Variants in SDK1 observed in about 807,000 individuals in gnomAD.
SDK1 encodes sidekick cell adhesion molecule 1, also known as protein sidekick-1.
Under a neutral mutation model 245.5 loss-of-function variants are expected in SDK1, and 157 were observed. The ratio of observed to expected loss-of-function variants is 0.64; its 90% CI spans 0.56 to 0.73. The LOEUF (loss-of-function observed/expected upper bound fraction) is 0.73, where lower values mean the gene tolerates loss of function less well. Among genes scored for constraint, SDK1 ranks in the 30% least tolerant of loss-of-function variants. The probability of loss-of-function intolerance (pLI) is 0.00; values close to 1 mark genes in which losing one functional copy is unlikely to be tolerated. For synonymous variants in SDK1, 1,647 were observed against 1,278.5 expected (o/e 1.29, Z -6.15); for missense variants, 3,583 against 3,002.3 (o/e 1.19, Z -4.52).
chr7:3,598,975 A>T, intron 1 of SDK1, among the ~76,000 whole-genome samples: 1 of 152,116 alleles, frequency 6.6e-6, no homozygotes. Context: ...GCCCAAGAGA[A>T]CAGTTGCTGG....
chr7:4,198,630 A>G (rs1783715372), intron 35 of SDK1, among the ~76,000 whole-genome samples: 1 of 152,190 alleles, frequency 6.6e-6, no homozygotes, highest in Non-Finnish European at 1.5e-5. Flanking sequence ...CAAAGCCCTT[A>G]CATCCCTCAA....
At chr7:3,669,705 A>T (rs562809679) in intron 4 of SDK1, among the ~76,000 whole-genome samples, 1 of 152,180 alleles carries the variant, frequency 6.6e-6, no homozygotes, top group South Asian at 2.1e-4. Context: ...CAGCTCACAT[A>T]CCAACTATAG....
At chr7:3,475,696 T>C (rs1781329789) in intron 1 of SDK1, among the ~76,000 whole-genome samples, 1 of 152,178 alleles carries the variant, frequency 6.6e-6, no homozygotes, top group Admixed American at 6.5e-5. Context: ...TAAAAGTAAA[T>C]AAATTTACTT....
intron 1 of SDK1, among the ~76,000 whole-genome samples, chr7:3,400,765 A>C (rs1778867012): frequency 6.6e-6 from 1 of 152,134 alleles, no homozygotes; most frequent in Non-Finnish European, 1.5e-5. Context: ...ATACACAGGC[A>C]AAAACATTTT....
At chr7:4,063,607 AAAC>A (rs1779684394) in intron 19 of SDK1, among the ~76,000 whole-genome samples, 3 of 151,732 alleles carry the variant, frequency 2.0e-5, no homozygotes, top group Non-Finnish European at 2.9e-5. Flanking sequence ...CAAAAAAAAA[AAAC>A]AAAAAACCCC....
rs181237584 is a variant in SDK1, at chr7:4,011,867, C to A, written c.2280-228C>A. Among the ~76,000 whole-genome samples the A allele has an allele frequency of 1.7e-3, 252 of 152,290 alleles. 1 individual carries two copies. The Middle Eastern group carries it at 0.021, about 12-fold the overall frequency. ...TGGGGTTATTCACACAGAACAAAGT[C>A]ACCTCCACCTTTCCTCGTTGCTTGG... On this transcript the variant is annotated intron_variant, in intron 15 of 44. Coordinates refer to ENST00000404826, the MANE Select transcript of SDK1 (RefSeq NM_152744.4).
chr7:4,191,691 C>G (rs1313997187), intron 35 of SDK1, among the ~76,000 whole-genome samples: 5 of 152,248 alleles, frequency 3.3e-5, no homozygotes, highest in African/African-American at 1.2e-4. Flanking sequence ...GCCTTTGCGA[C>G]CTTCTCTGGG....
chr7:4,021,650 G>C (rs1449254532), intron 17 of SDK1, among the ~76,000 whole-genome samples: 1 of 152,198 alleles, frequency 6.6e-6, no homozygotes, highest in East Asian at 1.9e-4. Flanking sequence ...AGGCAACAAG[G>C]AGAAAGCCTC....
At chr7:3,366,984 C>G (rs962524208) in intron 1 of SDK1, among the ~76,000 whole-genome samples, 1 of 152,102 alleles carries the variant, frequency 6.6e-6, no homozygotes, top group African/African-American at 2.4e-5. Flanking sequence ...TCGTGATCCA[C>G]CTGCCTCAGC....
At chr7:3,326,268 A>G (rs1779938885) in intron 1 of SDK1, among the ~76,000 whole-genome samples, 1 of 152,212 alleles carries the variant, frequency 6.6e-6, no homozygotes. Context: ...GGTTATATAC[A>G]TATGTAAAAG....
At chr7:3,419,316 C>T (rs1172496915) in intron 1 of SDK1, among the ~76,000 whole-genome samples, 3 of 152,200 alleles carry the variant, frequency 2.0e-5, no homozygotes, top group Non-Finnish European at 4.4e-5. Context: ...TTAGGTTATA[C>T]TGCGTCTCTG....
chr7:3,418,463 C>G (rs2128580036), intron 1 of SDK1, among the ~76,000 whole-genome samples: 2 of 152,234 alleles, frequency 1.3e-5, no homozygotes, highest in Admixed American at 1.3e-4. Flanking sequence ...CTAGAGGTTT[C>G]TGATCTCTGC....
intron 1 of SDK1, among the ~76,000 whole-genome samples, chr7:3,482,596 A>G (rs1781552955): frequency 6.6e-6 from 1 of 152,186 alleles, no homozygotes; most frequent in South Asian, 2.1e-4. Flanking sequence ...ATTGATGACC[A>G]CCAGAGGGCC....
rs1230375226 is a variant in SDK1 at position 4,119,833 on chromosome 7, AAGAG to A, written c.3823+5563_3823+5566del. Among the ~76,000 whole-genome samples the A allele has an allele frequency of 6.7e-5, 10 of 149,198 alleles. 1 individual carries two copies. The highest frequency in any genetic ancestry group is 1.3e-4 in the Admixed American group (2 of 15,010). On this transcript the variant is annotated intron_variant, in intron 25 of 44. Coordinates refer to ENST00000404826, the MANE Select transcript of SDK1 (RefSeq NM_152744.4). Reference sequence around the variant, plus strand: ...GAGTAAAAATGACCAGTTTTAAAAAAAGAGAGAAAGATAGAGGGCTTCAATTACA... The same window carrying A: ...GAGTAAAAATGACCAGTTTTAAAAAAAGAAAGATAGAGGGCTTCAATTACA...
intron 1 of SDK1, among the ~76,000 whole-genome samples, chr7:3,473,195 A>G (rs781252621): frequency 1.1e-4 from 17 of 152,188 alleles, no homozygotes; most frequent in Non-Finnish European, 2.2e-4. Context: ...GAACTAATTT[A>G]CAAGAGTAAA....
intron 32 of SDK1, among the ~76,000 whole-genome samples, chr7:4,171,869 A>G (rs1781860733): frequency 6.6e-6 from 1 of 152,208 alleles, no homozygotes; most frequent in Non-Finnish European, 1.5e-5. Flanking sequence ...AACTTTCTGC[A>G]AAATTGAAGA....
chr7:4,085,849 C>G lies in SDK1; in HGVS notation c.3324+6265C>G, dbSNP rs576811335. ...GGATTACAGGTGTGAGCCACTGCACCTAGCTCATTTTACATTTTAAAAAAT... is the reference window on the plus strand; with the variant it reads ...GGATTACAGGTGTGAGCCACTGCACGTAGCTCATTTTACATTTTAAAAAAT... On this transcript the variant is annotated intron_variant, in intron 22 of 44. Coordinates refer to ENST00000404826, the MANE Select transcript of SDK1 (RefSeq NM_152744.4). Among the ~76,000 whole-genome samples, 16 of 152,300 alleles carry G rather than the reference C, an allele frequency of 1.1e-4. No homozygotes were observed. The East Asian group carries it at 3.1e-3, about 29-fold the overall frequency.
chr7:4,065,807 G>A (rs1399820208), intron 19 of SDK1, among the ~76,000 whole-genome samples: 2 of 145,276 alleles, frequency 1.4e-5, no homozygotes, highest in Non-Finnish European at 3.0e-5. Flanking sequence ...GCTCGGTATG[G>A]AATTCACCCT....
Position 3,796,282 on chromosome 7 carries a change from C to G in SDK1, c.714-25168C>G, listed in dbSNP as rs111700744. 4.8e-3 allele frequency among the ~76,000 whole-genome samples: 729 copies of G among 152,284 alleles called. 12 individuals are homozygous for G. Among genetic ancestry groups the G allele is most frequent in the African/African-American group, 0.016 (679 of 41,566 alleles). ...CTAAAGCATTTATCCTCCGTGTCCA[C>G]GGATGGTCAGAGGAAATGGAAGGGG... is the stretch of plus-strand genomic sequence containing the variant. On this transcript the variant is annotated intron_variant, in intron 4 of 44. Transcript: ENST00000404826.
Sources: allele counts gnomAD v4.1 joint callset (sites outside exome capture counted in the v4.1 genomes callset), GRCh38; gene constraint gnomAD v4.1.1; transcripts MANE v1.5; gene names NCBI Gene and HGNC (gene_info 2026-07-23, HGNC 2026-07-21).